The following ANK1 variants were observed in gnomAD, a reference collection of about 807,000 sequenced individuals.
ANK1 encodes the protein ankyrin-1.
In ANK1, 51 loss-of-function variants were observed where a neutral mutation model predicts 210.4. The observed-to-expected ratio is 0.24, with a 90% CI of 0.19 to 0.31. The LOEUF is 0.31. Among genes scored for constraint, ANK1 ranks in the 10% least tolerant of loss-of-function variants. The pLI, the probability that ANK1 is intolerant of heterozygous loss-of-function variation, is 1.00. For synonymous variants in ANK1, 967 were observed against 1,025.9 expected (o/e 0.94, Z 1.10); for missense variants, 2,051 against 2,504.4 (o/e 0.82, Z 3.86).
At chr8:41,821,315 C>G (rs1804221434) in intron 1 of ANK1, among the ~76,000 whole-genome samples, 1 of 152,044 alleles carries the variant, frequency 6.6e-6, no homozygotes. Context: ...TCTTTCCTTG[C>G]TAAAAAGGAT....
chr8:41,751,388 T>C (rs1363061343), intron 2 of ANK1, among the ~76,000 whole-genome samples: 1 of 152,148 alleles, frequency 6.6e-6, no homozygotes, highest in Non-Finnish European at 1.5e-5. Context: ...ACCTGCTCGA[T>C]GTTACCAAGC....
intron 1 of ANK1, among the ~76,000 whole-genome samples, chr8:41,865,371 A>T (rs1396782584): frequency 6.6e-6 from 1 of 152,052 alleles, no homozygotes; most frequent in Non-Finnish European, 1.5e-5. Context: ...ACACAGCTCA[A>T]TGAACATGTG....
intron 1 of ANK1, among the ~76,000 whole-genome samples, chr8:41,762,450 T>C (rs1840700931): frequency 1.3e-5 from 2 of 152,238 alleles, no homozygotes; most frequent in African/African-American, 4.8e-5. Context: ...CCAAACTGTT[T>C]GCTTCTTGGG....
Position 41,823,362 on chromosome 8 carries a change from T to C in ANK1, c.127-65225A>G, listed in dbSNP as rs147767743. ...GACATATTTACTCAACTTTCCACCC[T>C]CCGCTTTTTCTCCAGTGAAGTAATC... On this transcript the variant is annotated intron_variant, in intron 1 of 42. Coordinates refer to the ANK1 transcript ENST00000265709. Among the ~76,000 whole-genome samples the C allele has an allele frequency of 7.9e-5, 12 of 152,318 alleles. 1 individual carries two copies. Among genetic ancestry groups the C allele is most frequent in the African/African-American group, 2.9e-4 (12 of 41,562 alleles).
rs1829871530 is a variant in ANK1, at chr8:41,723,598, C to T, written c.747G>A (p.Arg249=). 1 of 1,613,776 alleles carries T rather than the reference C, an allele frequency of 6.2e-7. No homozygotes were observed. Among genetic ancestry groups the T allele is most frequent in the Non-Finnish European group, 8.5e-7 (1 of 1,179,946 alleles). Residue 249 remains arginine (R), a synonymous_variant, in exon 8 of 43, where the codon AGG becomes AGA. Coordinates refer to ENST00000289734, the MANE Select transcript of ANK1 (RefSeq NM_000037.4). ...GCAGCCGCACCATGATCACGTTGCCCCTGCGGGAGGCGATGTGCAGTGGCG... is the reference window on the plus strand; with the variant it reads ...GCAGCCGCACCATGATCACGTTGCCTCTGCGGGAGGCGATGTGCAGTGGCG... ...GITPLHIASR[R]GNVIMVRLLL...
intron 1 of ANK1, among the ~76,000 whole-genome samples, chr8:41,862,215 A>G (rs555633091): frequency 4.6e-5 from 7 of 152,368 alleles, no homozygotes; most frequent in African/African-American, 1.7e-4. Context: ...TCCAGGGTGC[A>G]GCTCTCAGCT....
chr8:41,690,075 T>C (rs1818835715), intron 33 of ANK1, 152 bp downstream of exon 33: 2 of 1,273,160 alleles, frequency 1.6e-6, no homozygotes, highest in Non-Finnish European at 2.2e-6. Context: ...CATGAGCATG[T>C]GGAGGAGAGC....
At chr8:41,726,041 G>C (rs1342000877) in intron 5 of ANK1, 95 bp from the exon 6 acceptor site, 1 of 1,421,410 alleles carries the variant, frequency 7.0e-7, no homozygotes, top group Non-Finnish European at 9.6e-7. Flanking sequence ...TATGCTCCCA[G>C]CAGCCCCAGC....
chr8:41,686,431 T>A, intron 35 of ANK1, 148 bp from the exon 36 acceptor site: 2 of 950,492 alleles, frequency 2.1e-6, no homozygotes, highest in Non-Finnish European at 3.3e-6. Context: ...GTGGGTTTGG[T>A]CTTCCTTCTT....
chr8:41,772,804 C>T (rs1843202695), intron 1 of ANK1, among the ~76,000 whole-genome samples: 1 of 152,212 alleles, frequency 6.6e-6, no homozygotes, highest in South Asian at 2.1e-4. Context: ...GTTCCATCCT[C>T]ACCCACCCAA....
intron 1 of ANK1, among the ~76,000 whole-genome samples, chr8:41,831,924 C>A (rs1806741381): frequency 6.6e-6 from 1 of 152,090 alleles, no homozygotes; most frequent in Non-Finnish European, 1.5e-5. Flanking sequence ...GGATGCAAGG[C>A]CTTCGGACTA....
Position 41,695,228 on chromosome 8 carries a change from T to C in ANK1, c.3064A>G (p.Ser1022Gly). Reference sequence around the variant, plus strand: ...TCCAGGTAGCTCTCTCCATAGCGGCTCCTGTGCTCCTTCCACACGGAGCCG... The same window carrying C: ...TCCAGGTAGCTCTCTCCATAGCGGCCCCTGTGCTCCTTCCACACGGAGCCG... ...ENGSVWKEHR[S>G]RYGESYLDQI... is the part of the protein sequence containing the mutation. Residue 1022 changes from serine to glycine, a missense_variant, in exon 27 of 43, where the codon AGC (serine) becomes GGC (glycine). Physicochemically the swap from Ser to Gly is moderately conservative, Grantham distance 56. Around this residue, in one of 6 missense-constraint regions of ANK1, gnomAD observed 1,413 missense variants for 1,707.4 expected, o/e 0.83. Transcript: ENST00000289734. The C allele has an allele frequency of 6.2e-7, 1 of 1,614,050 alleles. No homozygotes were observed. The highest frequency in any genetic ancestry group is 1.1e-5 in the South Asian group (1 of 91,078).
intron 1 of ANK1, among the ~76,000 whole-genome samples, chr8:41,770,690 G>C (rs576574080): frequency 2.6e-5 from 4 of 152,344 alleles, no homozygotes; most frequent in African/African-American, 9.6e-5. Flanking sequence ...GACCTCCTTA[G>C]GGTTGAGGCT....
chr8:41,688,384 A>G lies in ANK1; in HGVS notation c.4183+127T>C, dbSNP rs555000471. ...AGGGGAAGACCCGAGTCAGCTCTGC[A>G]GCTGCTTTTGGAACTGGCTGAGCGA... On this transcript the variant is annotated intron_variant, in intron 34 of 42. Coordinates refer to ENST00000289734, the MANE Select transcript of ANK1 (RefSeq NM_000037.4). The G allele has an allele frequency of 1.4e-5, 20 of 1,432,366 alleles. No individual in the cohort carries two copies. The African/African-American group carries it at 2.8e-4, about 20-fold the overall frequency. 88.7% of individuals were successfully genotyped at this position (1,432,366 alleles called of 1,614,324 possible). A position where few individuals can be genotyped will look rare whatever the true frequency, so the allele number is the denominator to read the frequency against.
chr8:41,827,470 C>T (rs1054850428), intron 1 of ANK1, among the ~76,000 whole-genome samples: 8 of 152,160 alleles, frequency 5.3e-5, no homozygotes, highest in African/African-American at 1.9e-4. Context: ...GCAAACTCTC[C>T]ACATACTATC....
At chr8:41,776,025 G>A (rs1266318883) in intron 1 of ANK1, among the ~76,000 whole-genome samples, 1 of 152,126 alleles carries the variant, frequency 6.6e-6, no homozygotes, top group Non-Finnish European at 1.5e-5. Context: ...AGCAGCTAAG[G>A]CACAAAAACA....
At position 41,708,901 on chromosome 8, in the gene ANK1, C is replaced by T. The variant is rs1380852338; in HGVS notation, c.1875G>A (p.Gly625=). 1.2e-6 allele frequency: 2 copies of T among 1,614,130 alleles called. No homozygotes were observed. The highest frequency in any genetic ancestry group is 1.7e-6 in the Non-Finnish European group (2 of 1,180,036). Residue 625 remains glycine, a synonymous_variant, in exon 17 of 43, where the codon GGG becomes GGA. Transcript: ENST00000289734. ...GCACCGACTCGGCGTTTGCTGAGCC[C>T]CCATACTGCAGCAGACTACGGGCCA... ...VEVARSLLQY[G]GSANAESVQG... is the part of the protein sequence containing the mutation.
In ANK1 at chr8:41,688,220, A is replaced by C; in HGVS notation, c.4194T>G (p.Ser1398Arg). ...ILSESTPGSL[S>R]GTEQAEMKMA... Reference sequence around the variant, plus strand: ...TCTTCATCTCTGCCTGCTCTGTCCCACTGAGAGAACCTGGGGAGAAGCATT... The same window carrying C: ...TCTTCATCTCTGCCTGCTCTGTCCCCCTGAGAGAACCTGGGGAGAAGCATT... The change falls in exon 35 of 43, where the codon AGT becomes AGG. Residue 1398 changes from serine to arginine, a missense_variant. Physicochemically the swap from Ser to Arg is moderately radical, Grantham distance 110 (BLOSUM62 -1). Transcript: ENST00000289734. 1 of 1,614,164 alleles carries C rather than the reference A, an allele frequency of 6.2e-7. No homozygotes were observed. The highest frequency in any genetic ancestry group is 8.5e-7 in the Non-Finnish European group (1 of 1,180,026).
chr8:41,700,051 T>G (rs1822285262), intron 22 of ANK1, among the ~76,000 whole-genome samples: 1 of 152,250 alleles, frequency 6.6e-6, no homozygotes, highest in Non-Finnish European at 1.5e-5. Flanking sequence ...CACCTCTGAC[T>G]GCCTCTTTGT....
Sources: gnomAD v4.1 joint callset for allele counts (sites outside exome capture counted in the v4.1 genomes callset) on GRCh38, gnomAD v4.1.1 for gene constraint, gnomAD v4.1.1 regional missense constraint, MANE v1.5 for transcripts, NCBI Gene and HGNC (gene_info 2026-07-23, HGNC 2026-07-21) for gene names.